The following NDUFAF2 variants were observed in gnomAD, a reference collection of about 807,000 sequenced individuals.
NDUFAF2 encodes NADH:ubiquinone oxidoreductase complex assembly factor 2.
A neutral mutation model predicts 22.8 loss-of-function variants in NDUFAF2; 13 were observed. The ratio of observed to expected loss-of-function variants is 0.57; its 90% CI spans 0.37 to 0.91. NDUFAF2 has a LOEUF of 0.91. Ranked by LOEUF, NDUFAF2 falls within the 40% of genes least tolerant of loss-of-function variation. NDUFAF2 has a pLI of 0.01. For missense variants in NDUFAF2, 162 were observed against 195.2 expected (o/e 0.83, Z 1.01); for synonymous variants, 53 against 64.2 (o/e 0.83, Z 0.84).
At chr5:61,036,225 C>T (rs1177478155) in intron 1 of NDUFAF2, among the ~76,000 whole-genome samples, 1 of 152,186 alleles carries the variant, frequency 6.6e-6, no homozygotes, top group Non-Finnish European at 1.5e-5. Flanking sequence ...GAAATGTATA[C>T]GAGCTTGTGC....
chr5:61,067,573 G>A (rs1244512292), intron 1 of NDUFAF2, among the ~76,000 whole-genome samples: 1 of 151,974 alleles, frequency 6.6e-6, no homozygotes, highest in African/African-American at 2.4e-5. Flanking sequence ...TGGATATTTG[G>A]GTTGGTTCCA....
chr5:60,989,502 C>T (rs972887529), intron 1 of NDUFAF2, among the ~76,000 whole-genome samples: 3 of 152,120 alleles, frequency 2.0e-5, no homozygotes. Context: ...TGGAGTCAAG[C>T]ACCCATGAAT....
chr5:61,109,511 A>G (rs2111781738), intron 3 of NDUFAF2, among the ~76,000 whole-genome samples: 1 of 152,202 alleles, frequency 6.6e-6, no homozygotes, highest in East Asian at 1.9e-4. Context: ...TAAAAGTGGG[A>G]ATTCTTGTCA....
intron 1 of NDUFAF2, among the ~76,000 whole-genome samples, chr5:61,043,885 G>A (rs949648163): frequency 1.3e-5 from 2 of 151,986 alleles, no homozygotes; most frequent in African/African-American, 2.4e-5. Flanking sequence ...TGGGACAACT[G>A]GATTATTTGG....
chr5:61,129,362 A>C (rs1016572197), intron 3 of NDUFAF2, among the ~76,000 whole-genome samples: 1 of 152,218 alleles, frequency 6.6e-6, no homozygotes, highest in South Asian at 2.1e-4. Context: ...TTGCAGCACT[A>C]TTCACAATAA....
chr5:61,011,316 A>G (rs961838841), intron 1 of NDUFAF2, among the ~76,000 whole-genome samples: 1 of 152,126 alleles, frequency 6.6e-6, no homozygotes, highest in Non-Finnish European at 1.5e-5. Context: ...GGCCATGGAC[A>G]TATGATCTAG....
intron 3 of NDUFAF2, among the ~76,000 whole-genome samples, chr5:61,149,400 G>A (rs1283982531): frequency 6.6e-6 from 1 of 152,064 alleles, no homozygotes; most frequent in Non-Finnish European, 1.5e-5. Context: ...AGCTTTCTTG[G>A]TGTCACACGG....
chr5:61,005,750 T>C (rs554267704), intron 1 of NDUFAF2, among the ~76,000 whole-genome samples: 1 of 152,306 alleles, frequency 6.6e-6, no homozygotes, highest in South Asian at 2.1e-4. Context: ...TTTTGAGAAG[T>C]GTCTGTTCAT....
chr5:61,085,967 T>C (rs999471762), intron 2 of NDUFAF2, among the ~76,000 whole-genome samples: 1 of 151,938 alleles, frequency 6.6e-6, no homozygotes, highest in African/African-American at 2.4e-5. Flanking sequence ...GTAAGCACTT[T>C]AGCCAGGTGT....
chr5:61,093,444 T>TTTTAA (rs1752596909), intron 2 of NDUFAF2, among the ~76,000 whole-genome samples: 2 of 152,208 alleles, frequency 1.3e-5, no homozygotes, highest in South Asian at 4.1e-4. Flanking sequence ...CAATGCCTAG[T>TTTTAA]TTATTAAGAG....
chr5:61,120,495 T>C (rs1013248353), intron 3 of NDUFAF2, among the ~76,000 whole-genome samples: 2 of 152,140 alleles, frequency 1.3e-5, no homozygotes, highest in Non-Finnish European at 2.9e-5. Context: ...TACATACTTC[T>C]ATACAAAGCT....
chr5:60,947,591 C>A (rs1750478920), intron 1 of NDUFAF2, among the ~76,000 whole-genome samples: 1 of 152,044 alleles, frequency 6.6e-6, no homozygotes, highest in South Asian at 2.1e-4. Context: ...CATGGTGAAA[C>A]CCCATCTCTA....
At chr5:61,022,758 C>T (rs1436454050) in intron 1 of NDUFAF2, among the ~76,000 whole-genome samples, 1 of 152,186 alleles carries the variant, frequency 6.6e-6, no homozygotes, top group East Asian at 1.9e-4. Context: ...GATTCTCCTG[C>T]CTCAGCCTCC....
intron 2 of NDUFAF2, among the ~76,000 whole-genome samples, chr5:61,079,640 T>C (rs1752416078): frequency 6.6e-6 from 1 of 152,244 alleles, no homozygotes; most frequent in South Asian, 2.1e-4. Context: ...TTTCTGACCT[T>C]AGCATTCAAT....
At chr5:61,152,504 G>T (rs1741259159) in intron 3 of NDUFAF2, among the ~76,000 whole-genome samples, 200 bp from the exon 4 acceptor site, 1 of 151,876 alleles carries the variant, frequency 6.6e-6, no homozygotes, top group Non-Finnish European at 1.5e-5. Context: ...ATAAAATCAG[G>T]ACAGAACTGT....
At chr5:61,111,617 G>GT (rs931938330) in intron 3 of NDUFAF2, among the ~76,000 whole-genome samples, 10 of 150,616 alleles carry the variant, frequency 6.6e-5, no homozygotes, top group Non-Finnish European at 1.2e-4. Context: ...TTTTTTGTTT[G>GT]TTTTTTTGTC....
At chr5:61,111,210 A>G (rs1245216224) in intron 3 of NDUFAF2, among the ~76,000 whole-genome samples, 1 of 152,194 alleles carries the variant, frequency 6.6e-6, no homozygotes, top group Non-Finnish European at 1.5e-5. Context: ...TGAAATTTTT[A>G]AGAGCTGTTT....
chr5:61,066,234 C>T (rs775194701), intron 1 of NDUFAF2, among the ~76,000 whole-genome samples: 3 of 151,972 alleles, frequency 2.0e-5, no homozygotes, highest in South Asian at 2.1e-4. Flanking sequence ...AAGGATATCC[C>T]ATGCTCATGG....
At chr5:61,075,876 G>T (rs1428265631) in intron 2 of NDUFAF2, among the ~76,000 whole-genome samples, 1 of 152,150 alleles carries the variant, frequency 6.6e-6, no homozygotes, top group African/African-American at 2.4e-5. Flanking sequence ...CTCCCACAAT[G>T]TAGATTAAAC....
Sources: gnomAD v4.1 joint callset for allele counts (sites outside exome capture counted in the v4.1 genomes callset) on GRCh38, gnomAD v4.1.1 for gene constraint, MANE v1.5 for transcripts, NCBI Gene and HGNC (gene_info 2026-07-23, HGNC 2026-07-21) for gene names.